The following RBBP8 variants were observed in gnomAD, a reference collection of about 807,000 sequenced individuals.
RBBP8 encodes the protein RB binding protein 8, endonuclease.
In RBBP8, 88 loss-of-function variants were observed where a neutral mutation model predicts 108.3. The ratio of observed to expected loss-of-function variants is 0.81; its 90% CI spans 0.68 to 0.97. The LOEUF is 0.97. RBBP8 is among the 50% of genes least tolerant of loss of function. The pLI, the probability that RBBP8 is intolerant of heterozygous loss-of-function variation, is 0.00. For synonymous variants in RBBP8, 332 were observed against 348.2 expected (o/e 0.95, Z 0.52); for missense variants, 1,023 against 1,049.0 (o/e 0.98, Z 0.34).
intron 2 of RBBP8, among the ~76,000 whole-genome samples, chr18:22,939,304 C>T (rs60634568): frequency 0.017 from 2,568 of 152,128 alleles, 69 homozygotes; most frequent in African/African-American, 0.058. Context: ...GTCAGGAGTT[C>T]GAGACCAGCC....
At chr18:23,024,552 G>A (rs2046424455) in intron 18 of RBBP8, 1 of 152,166 alleles carries the variant, frequency 6.6e-6, no homozygotes. Context: ...AGACCATCCA[G>A]TTACAGACTA....
chr18:22,936,938 A>G lies in RBBP8; in HGVS notation c.87A>G (p.Glu29=), dbSNP rs1910622940. ...AGGACCTTTGGACAAAACTAAAAGA[A>G]TGTCATGATAGAGAAGTACAAGGTA... is the stretch of plus-strand genomic sequence containing the variant. ...DFKDLWTKLK[E]CHDREVQGLQ... is the part of the protein sequence containing the mutation. The change falls in exon 2 of 19, where the codon GAA becomes GAG. Residue 29 remains glutamate (E), a synonymous_variant. Transcript: ENST00000327155. 3.7e-6 allele frequency: 6 copies of G among 1,614,148 alleles called. No homozygotes were observed. The East Asian group carries it at 1.3e-4, about 36-fold the overall frequency.
chr18:22,952,299 A>C (rs1434742172), intron 4 of RBBP8, among the ~76,000 whole-genome samples: 3 of 152,180 alleles, frequency 2.0e-5, no homozygotes, highest in Admixed American at 1.3e-4. Context: ...GATTCAGTGG[A>C]TCTCTTAAGG....
intron 4 of RBBP8, among the ~76,000 whole-genome samples, chr18:22,953,543 T>C (rs796897591): frequency 8.5e-5 from 13 of 152,316 alleles, no homozygotes; most frequent in African/African-American, 3.1e-4. Context: ...TTGAAGACAT[T>C]GCTTTCCAGT....
Position 22,971,880 on chromosome 18 carries a change from C to T in RBBP8, c.361+2962C>T, listed in dbSNP as rs1319202492. 2.0e-5 allele frequency among the ~76,000 whole-genome samples: 3 copies of T among 150,328 alleles called. No individual in the cohort carries two copies. In the East Asian group the frequency reaches 6.0e-4, roughly 30 times the overall value. On this transcript the variant is annotated intron_variant, in intron 5 of 18. Coordinates refer to ENST00000327155, the MANE Select transcript of RBBP8 (RefSeq NM_002894.3). ...CAGGCTGGTCTTGAACTCCTGACCTCGTGATCCGCTCACCTCGGCCTCCCA... is the reference window on the plus strand; with the variant it reads ...CAGGCTGGTCTTGAACTCCTGACCTTGTGATCCGCTCACCTCGGCCTCCCA...
rs1027074727 is a variant in RBBP8, at chr18:22,986,154, T to C, written c.709+1164T>C. Among the ~76,000 whole-genome samples the C allele has an allele frequency of 3.3e-5, 5 of 151,988 alleles. No individual in the cohort carries two copies. The East Asian group carries it at 5.8e-4, about 18-fold the overall frequency. ...TTTTTCACCCCCTTAGAGAAAATACTGTAGCTGTTGAGGTTGCGAAAATGA... is the reference window on the plus strand; with the variant it reads ...TTTTTCACCCCCTTAGAGAAAATACCGTAGCTGTTGAGGTTGCGAAAATGA... On this transcript the variant is annotated intron_variant, in intron 8 of 18. Transcript: ENST00000327155.
In RBBP8 at chr18:22,993,304, C is replaced by T. The variant is rs764452669; in HGVS notation, c.1477C>T (p.Leu493=). 60 of 1,614,124 alleles carry T rather than the reference C, an allele frequency of 3.7e-5. No homozygotes were observed. Among genetic ancestry groups the T allele is most frequent in the Non-Finnish European group, 4.7e-5 (56 of 1,180,044 alleles). The change falls in exon 11 of 19, where the codon CTG becomes TTG. Residue 493 remains leucine (L), a synonymous_variant. Coordinates refer to ENST00000327155, the MANE Select transcript of RBBP8 (RefSeq NM_002894.3). ...GDCVMDKPLD[L]SDRFSAIQRQ... is the part of the protein sequence containing the mutation. Reference sequence around the variant, plus strand: ...CTGTGTGATGGATAAACCTCTGGATCTGTCTGATCGATTTTCAGCTATTCA... The same window carrying T: ...CTGTGTGATGGATAAACCTCTGGATTTGTCTGATCGATTTTCAGCTATTCA...
chr18:22,952,535 A>G (rs1032587038), intron 4 of RBBP8, among the ~76,000 whole-genome samples: 1 of 152,214 alleles, frequency 6.6e-6, no homozygotes, highest in African/African-American at 2.4e-5. Context: ...GCAGTACATA[A>G]CAGATATTTA....
At chr18:22,970,343 A>G (rs542157682) in intron 5 of RBBP8, among the ~76,000 whole-genome samples, 3 of 152,348 alleles carry the variant, frequency 2.0e-5, no homozygotes, top group African/African-American at 7.2e-5. Flanking sequence ...CATATCTAAT[A>G]GATTTCCAGC....
At chr18:22,919,451 C>T (rs1024945917) in intron 3 of RBBP8, among the ~76,000 whole-genome samples, 16 of 152,148 alleles carry the variant, frequency 1.1e-4, no homozygotes, top group African/African-American at 2.9e-4. Flanking sequence ...TTTAAGTCCA[C>T]GATAAAAGAA....
At position 23,011,694 on chromosome 18, in the gene RBBP8, C is replaced by T. The variant is rs558544948; in HGVS notation, c.2358-5134C>T. Among the ~76,000 whole-genome samples the T allele has an allele frequency of 3.9e-5, 6 of 152,238 alleles. No individual in the cohort carries two copies. In the South Asian group the frequency reaches 1.0e-3, roughly 26 times the overall value. ...GACCTCATGATCCGCCTGCCTAGGTCTCCCAAAGTGCTGGGATCACAGGCG... is the reference window on the plus strand; with the variant it reads ...GACCTCATGATCCGCCTGCCTAGGTTTCCCAAAGTGCTGGGATCACAGGCG... On this transcript the variant is annotated intron_variant, in intron 16 of 18. Transcript: ENST00000327155.
intron 17 of RBBP8, among the ~76,000 whole-genome samples, chr18:23,020,421 CAATA>C (rs557467999): frequency 1.9e-4 from 29 of 151,736 alleles, no homozygotes; most frequent in Admixed American, 3.9e-4. Context: ...AACTCCATCT[CAATA>C]AATAAATAAA....
intron 18 of RBBP8, among the ~76,000 whole-genome samples, chr18:23,025,054 C>G (rs975546269): frequency 1.5e-4 from 23 of 152,058 alleles, no homozygotes; most frequent in African/African-American, 5.3e-4. Flanking sequence ...TCGAGACCAG[C>G]CTGGGCAACA....
intron 16 of RBBP8, among the ~76,000 whole-genome samples, chr18:23,008,769 A>ATTTTTT (rs71161355): frequency 1.7e-4 from 17 of 100,008 alleles, no homozygotes; most frequent in South Asian, 6.9e-4. Context: ...TATGACTTTG[A>ATTTTTT]TTTTTTTTTT....
At chr18:22,995,416 T>C (rs1296539336) in intron 12 of RBBP8, among the ~76,000 whole-genome samples, 2 of 152,194 alleles carry the variant, frequency 1.3e-5, no homozygotes, top group Non-Finnish European at 2.9e-5. Flanking sequence ...TGTTATAGTT[T>C]TTAATTTTAA....
At chr18:22,975,916 G>T (rs1454233973) in intron 6 of RBBP8, among the ~76,000 whole-genome samples, 1 of 151,932 alleles carries the variant, frequency 6.6e-6, no homozygotes, top group Non-Finnish European at 1.5e-5. Flanking sequence ...TTCTAGATAT[G>T]ATCTGACTAA....
chr18:23,010,589 C>A (rs533537821), intron 16 of RBBP8, among the ~76,000 whole-genome samples: 3 of 151,720 alleles, frequency 2.0e-5, no homozygotes, highest in East Asian at 3.9e-4. Context: ...CAGAGTGAGA[C>A]CCTGTCTCCA....
chr18:22,980,412 G>C (rs1271473423), intron 6 of RBBP8, among the ~76,000 whole-genome samples: 1 of 152,204 alleles, frequency 6.6e-6, no homozygotes, highest in Non-Finnish European at 1.5e-5. Context: ...ACTTGAAGGA[G>C]ATTAGAGAGA....
intron 17 of RBBP8, among the ~76,000 whole-genome samples, chr18:23,020,009 G>A (rs1037498698): frequency 2.0e-5 from 3 of 151,458 alleles, no homozygotes; most frequent in East Asian, 2.0e-4. Flanking sequence ...TGATCCGCCC[G>A]CTTCAGCCTC....
Sources: gnomAD v4.1 joint callset for allele counts (sites outside exome capture counted in the v4.1 genomes callset) on GRCh38, gnomAD v4.1.1 for gene constraint, MANE v1.5 for transcripts, NCBI Gene and HGNC (gene_info 2026-07-23, HGNC 2026-07-21) for gene names.